HNRNPR: variants seen among roughly 807,000 people sequenced by gnomAD.
The protein encoded by HNRNPR is heterogeneous nuclear ribonucleoprotein R.
HNRNPR carries 4 observed loss-of-function variants against 70.3 expected under a neutral mutation model. The ratio of observed to expected loss-of-function variants is 0.06; its 90% CI spans 0.03 to 0.13. HNRNPR has a LOEUF of 0.13. HNRNPR is among the 10% of genes least tolerant of loss of function. HNRNPR has a pLI of 1.00. For synonymous variants in HNRNPR, 241 were observed against 267.6 expected (o/e 0.90, Z 0.97); for missense variants, 423 against 788.5 (o/e 0.54, Z 5.55).
rs546255210 is a variant in HNRNPR, at chr1:23,334,305, C to T, written c.385-674G>A. On this transcript the variant is annotated intron_variant, in intron 4 of 10. Transcript: ENST00000302271. ...AGGCTGGAGTGCAGTAGCGCGATCT[C>T]GGCTCACTGCAAGCTCCGCCTCCCA... is the stretch of plus-strand genomic sequence containing the variant. Among the ~76,000 whole-genome samples, 8 of 145,744 alleles carry T rather than the reference C, an allele frequency of 5.5e-5. No homozygotes were observed. In the East Asian group the frequency reaches 1.0e-3, roughly 19 times the overall value.
intron 2 of HNRNPR, 137 bp from the exon 3 acceptor site, chr1:23,338,745 G>A (rs923646301): frequency 8.2e-5 from 38 of 461,874 alleles, no homozygotes; most frequent in African/African-American, 3.2e-4. Context: ...ATGCATATAC[G>A]CAGCTATCCA....
At chr1:23,328,804 T>C (rs546289084) in intron 5 of HNRNPR, among the ~76,000 whole-genome samples, 1 of 152,240 alleles carries the variant, frequency 6.6e-6, no homozygotes, top group African/African-American at 2.4e-5. Context: ...CCGGCCAAGT[T>C]TCTTAAGCAA....
At chr1:23,333,408 T>TAC in intron 5 of HNRNPR, 110 bp downstream of exon 5, 1 of 621,364 alleles carries the variant, frequency 1.6e-6, no homozygotes, top group East Asian at 2.7e-5. Context: ...TAACAACAGC[T>TAC]ACACTTTGAA....
Position 23,307,592 on chromosome 1 carries a change from A to C in HNRNPR, c.*2862T>G, listed in dbSNP as rs1645222009. ...CTTTTCACCAAATAAACCTGCATTT[A>C]TTAGAAATCTGGCAACTTATTAGAA... On this transcript the variant is annotated 3_prime_UTR_variant, in exon 11 of 11. Transcript: ENST00000302271. 1 of 152,148 alleles carries C rather than the reference A, an allele frequency of 6.6e-6. No individual in the cohort carries two copies. The highest frequency in any genetic ancestry group is 1.5e-5 in the Non-Finnish European group (1 of 67,956). 9.4% of individuals were successfully genotyped at this position (152,148 alleles called of 1,614,324 possible).
Position 23,323,414 on chromosome 1 carries a change from G to A in HNRNPR, c.675+142C>T, listed in dbSNP as rs770088627. 4.0e-5 allele frequency: 26 copies of A among 644,374 alleles called. No homozygotes were observed. In the East Asian group the frequency reaches 4.2e-4, roughly 10 times the overall value. The allele number at this position is 644,374 out of a possible 1,614,324, so 39.9% of individuals were successfully genotyped here. ...CTTTTATAGTCAGAGAAAAATAAAC[G>A]TCACATACCAACTTGGTCAGTATAA... On this transcript the variant is annotated intron_variant, in intron 6 of 10. Transcript: ENST00000302271.
intron 6 of HNRNPR, among the ~76,000 whole-genome samples, chr1:23,322,160 T>C (rs150272651): frequency 6.6e-6 from 1 of 152,176 alleles, no homozygotes; most frequent in East Asian, 1.9e-4. Context: ...CCAAACACAA[T>C]ACTTTCAAAA....
At chr1:23,313,905 C>T (rs917575672) in intron 8 of HNRNPR, among the ~76,000 whole-genome samples, 3 of 152,112 alleles carry the variant, frequency 2.0e-5, no homozygotes, top group Non-Finnish European at 2.9e-5. Context: ...CTGCCTTCTC[C>T]TATGTTGTCA....
chr1:23,340,913 T>C lies in HNRNPR; in HGVS notation c.96A>G (p.Thr32=). 1 of 1,612,744 alleles carries C rather than the reference T, an allele frequency of 6.2e-7. No individual in the cohort carries two copies. Among genetic ancestry groups the C allele is most frequent in the Non-Finnish European group, 8.5e-7 (1 of 1,179,252 alleles). ...TCTGTGGGAGGCCTGCCTCTATCAG[T>C]GTCTTGTAGTGTTCTGTGTGAGTTA... ...SSVTHTEHYK[T]LIEAGLPQKV... Residue 32 remains threonine (T), a synonymous_variant, in exon 2 of 11, where the codon ACA becomes ACG. Coordinates refer to ENST00000302271, the MANE Select transcript of HNRNPR (RefSeq NM_005826.5).
At chr1:23,335,486 G>GC in intron 4 of HNRNPR, among the ~76,000 whole-genome samples, 1 of 152,376 alleles carries the variant, frequency 6.6e-6, no homozygotes, top group Non-Finnish European at 1.5e-5. Flanking sequence ...TGTATTTACA[G>GC]CCGCTCCTCA....
chr1:23,337,564 G>A (rs570989152), intron 4 of HNRNPR, among the ~76,000 whole-genome samples, 190 bp downstream of exon 4: 1 of 151,616 alleles, frequency 6.6e-6, no homozygotes, highest in East Asian at 1.9e-4. Context: ...GGCTGAGGCA[G>A]GAGAATGGCA....
At chr1:23,313,480 A>G in intron 9 of HNRNPR, 73 bp downstream of exon 9, 1 of 992,324 alleles carries the variant, frequency 1.0e-6, no homozygotes, top group East Asian at 2.5e-5. Flanking sequence ...TTCAGTTTTT[A>G]AAGTTACTTT....
intron 6 of HNRNPR, among the ~76,000 whole-genome samples, chr1:23,322,590 T>C (rs1645803202): frequency 6.6e-6 from 1 of 152,180 alleles, no homozygotes; most frequent in African/African-American, 2.4e-5. Context: ...CTAAGAGATA[T>C]GATTATTAAA....
At position 23,309,861 on chromosome 1, in the gene HNRNPR, C is replaced by T. The variant is rs1282279161; in HGVS notation, c.*593G>A. ...TTGGAAATACAATCACATCAAAGAA[C>T]AAATTGTCACGGCTTTTGACGTTTA... On this transcript the variant is annotated 3_prime_UTR_variant, in exon 11 of 11. Coordinates refer to ENST00000302271, the MANE Select transcript of HNRNPR (RefSeq NM_005826.5). The T allele has an allele frequency of 1.3e-5, 2 of 152,504 alleles. No homozygotes were observed. The allele number at this position is 152,504 out of a possible 1,614,324, so 9.4% of individuals were successfully genotyped here.
intron 5 of HNRNPR, among the ~76,000 whole-genome samples, chr1:23,327,995 C>CAAAAAAAAAAAAAAAAA (rs11345105): frequency 8.4e-6 from 1 of 118,758 alleles, no homozygotes; most frequent in African/African-American, 3.2e-5. Flanking sequence ...GACTCTGTCT[C>CAAAAAAAAAAAAAAAAA]AAAAAAAAAA....
At position 23,305,899 on chromosome 1, in the gene HNRNPR, C is replaced by G. The variant is rs1645195842; in HGVS notation, c.*4555G>C. 1 of 152,116 alleles carries G rather than the reference C, an allele frequency of 6.6e-6. No homozygotes were observed. The allele number at this position is 152,116 out of a possible 1,614,324, so 9.4% of individuals were successfully genotyped here. On this transcript the variant is annotated 3_prime_UTR_variant, in exon 11 of 11. Transcript: ENST00000302271. ...AATTGAGGCCATTATTGTCAAACTG[C>G]TAAAACTTTTTAAAGTTTCATTTTA...
chr1:23,311,209 T>C lies in HNRNPR; in HGVS notation c.1281A>G (p.Arg427=). 1 of 1,613,910 alleles carries C rather than the reference T, an allele frequency of 6.2e-7. No individual in the cohort carries two copies. The highest frequency in any genetic ancestry group is 8.5e-7 in the Non-Finnish European group (1 of 1,180,004). Residue 427 remains arginine, a synonymous_variant, in exon 10 of 11, where the codon AGA becomes AGG. Transcript: ENST00000302271. ...CTAAAATGTAGACTCACGCAGTGCT[T>C]CTGGAGGCCTGTCTAGCAGCTTGGC... The part of the protein sequence containing the change: ...KERQAARQAS[R]STAYEDYYYH...
At chr1:23,312,202 C>T (rs1193466691) in intron 9 of HNRNPR, among the ~76,000 whole-genome samples, 1 of 152,170 alleles carries the variant, frequency 6.6e-6, no homozygotes, top group African/African-American at 2.4e-5. Context: ...CTCAAGACTG[C>T]AATTTTCCCT....
intron 4 of HNRNPR, among the ~76,000 whole-genome samples, chr1:23,335,599 T>C (rs1266942951): frequency 2.0e-5 from 3 of 152,122 alleles, no homozygotes; most frequent in African/African-American, 7.2e-5. Context: ...TATTGTGAAG[T>C]GTGCATACAA....
intron 5 of HNRNPR, among the ~76,000 whole-genome samples, chr1:23,330,171 G>C (rs1646156216): frequency 6.6e-6 from 1 of 152,124 alleles, no homozygotes; most frequent in South Asian, 2.1e-4. Context: ...GGTAGGCTCT[G>C]CAAACAGATA....
Sources: allele counts gnomAD v4.1 joint callset (sites outside exome capture counted in the v4.1 genomes callset), GRCh38; gene constraint gnomAD v4.1.1; transcripts MANE v1.5; gene names NCBI Gene and HGNC (gene_info 2026-07-23, HGNC 2026-07-21).